FAR2: variants seen among roughly 807,000 people sequenced by gnomAD.
FAR2 encodes epididymis secretory protein Li 81.
FAR2 carries 19 observed loss-of-function variants against 56.0 expected under a neutral mutation model. That is an observed-to-expected ratio of 0.34 (90% CI 0.24 to 0.50). The LOEUF is 0.50. Among genes scored for constraint, FAR2 ranks in the 20% least tolerant of loss-of-function variants. The pLI is 0.98. For missense variants in FAR2, 508 were observed against 642.2 expected, an observed-to-expected ratio of 0.79 and a Z score of 2.26; for synonymous variants, 219 against 218.8, an observed-to-expected ratio of 1.00 and a Z score of -0.01.
intron 4 of FAR2, among the ~76,000 whole-genome samples, chr12:29,304,839 T>C (rs981118231): frequency 6.6e-6 from 1 of 152,220 alleles, no homozygotes; most frequent in Non-Finnish European, 1.5e-5. Context: ...AAACATCTTC[T>C]TGAGTATACT....
At chr12:29,289,827 C>A (rs1267049496) in intron 2 of FAR2, among the ~76,000 whole-genome samples, 1 of 152,064 alleles carries the variant, frequency 6.6e-6, no homozygotes, top group Non-Finnish European at 1.5e-5. Flanking sequence ...ACATAAGGAG[C>A]TCAAACAACT....
intron 10 of FAR2, among the ~76,000 whole-genome samples, chr12:29,323,179 A>G (rs1428847494): frequency 3.3e-5 from 5 of 152,238 alleles, no homozygotes; most frequent in Admixed American, 6.5e-5. Flanking sequence ...TCAAACTGCA[A>G]GGCAGCAGTG....
At chr12:29,283,048 A>C (rs940633557) in intron 2 of FAR2, among the ~76,000 whole-genome samples, 2 of 152,184 alleles carry the variant, frequency 1.3e-5, no homozygotes, top group Non-Finnish European at 2.9e-5. Flanking sequence ...CACCACAAAT[A>C]ATGTATAGAT....
intron 2 of FAR2, among the ~76,000 whole-genome samples, chr12:29,289,298 A>G (rs1284180691): frequency 6.6e-6 from 1 of 152,224 alleles, no homozygotes; most frequent in African/African-American, 2.4e-5. Context: ...AAATTATACT[A>G]CAAAGCTATG....
At chr12:29,162,819 G>A (rs975807699) in intron 1 of FAR2, among the ~76,000 whole-genome samples, 6 of 152,180 alleles carry the variant, frequency 3.9e-5, no homozygotes, top group African/African-American at 1.4e-4. Flanking sequence ...GGAAGACATG[G>A]AATAAGGAGA....
chr12:29,303,910 C>T (rs181856447), intron 4 of FAR2, among the ~76,000 whole-genome samples: 2 of 152,246 alleles, frequency 1.3e-5, no homozygotes, highest in Non-Finnish European at 2.9e-5. Flanking sequence ...AAATGGCAGG[C>T]CATTGGCAGG....
Position 29,219,567 on chromosome 12 carries a change from G to T in FAR2, c.-38-50845G>T, listed in dbSNP as rs537144277. On this transcript the variant is annotated intron_variant, in intron 1 of 11. Coordinates refer to ENST00000536681, the MANE Select transcript of FAR2 (RefSeq NM_001271783.2). ...GAGTACCTAGGGAATCTGCATCATG[G>T]ATATGAGAAAACCTTCTGATAATAA... Among the ~76,000 whole-genome samples, 8 of 152,010 alleles carry T rather than the reference G, an allele frequency of 5.3e-5. No individual in the cohort carries two copies. In the South Asian group the frequency reaches 1.0e-3, roughly 20 times the overall value.
chr12:29,311,373 C>T (rs190307128), intron 7 of FAR2, among the ~76,000 whole-genome samples: 1 of 152,200 alleles, frequency 6.6e-6, no homozygotes, highest in Non-Finnish European at 1.5e-5. Flanking sequence ...CTTTAAATCA[C>T]TTAACCATAA....
intron 1 of FAR2, among the ~76,000 whole-genome samples, chr12:29,228,152 A>C (rs919830650): frequency 3.9e-5 from 6 of 152,060 alleles, no homozygotes; most frequent in South Asian, 4.1e-4. Context: ...AAAAAAAAAA[A>C]AAGAAGTAGG....
intron 2 of FAR2, among the ~76,000 whole-genome samples, chr12:29,273,567 C>A (rs747619637): frequency 1.4e-4 from 21 of 152,212 alleles, no homozygotes; most frequent in Non-Finnish European, 2.6e-4. Flanking sequence ...CCTTCCCCTG[C>A]CCAGGGAGCT....
chr12:29,311,098 C>T lies in FAR2; in HGVS notation c.839C>T (p.Thr280Ile). 1.2e-6 allele frequency: 2 copies of T among 1,613,508 alleles called. No individual in the cohort carries two copies. Among genetic ancestry groups the T allele is most frequent in the Non-Finnish European group, 1.7e-6 (2 of 1,179,608 alleles). The change falls in exon 7 of 12, where the codon ACA (threonine) becomes ATA (isoleucine). Residue 280 changes from threonine to isoleucine, a missense_variant. Thr to Ile is a moderately conservative substitution (Grantham distance 89). Transcript: ENST00000536681. Reference protein sequence around the residue: ...MAVADVIPVDTVVNLMLAVGW... With the variant: ...MAVADVIPVDIVVNLMLAVGW... ...GTGGCAGACGTAATTCCAGTTGATACAGTCGTCAATCTCATGCTAGCTGTA... is the reference window on the plus strand; with the variant it reads ...GTGGCAGACGTAATTCCAGTTGATATAGTCGTCAATCTCATGCTAGCTGTA...
In FAR2 at chr12:29,333,834, T is replaced by C; in HGVS notation, c.*40T>C. On this transcript the variant is annotated 3_prime_UTR_variant, in exon 12 of 12. Transcript: ENST00000536681. ...CGCTTTTTATCTGGAACCTCTCAGATACCTCTAAAACAGCAAACTGTGATT... is the reference window on the plus strand; with the variant it reads ...CGCTTTTTATCTGGAACCTCTCAGACACCTCTAAAACAGCAAACTGTGATT... 1 of 1,590,652 alleles carries C rather than the reference T, an allele frequency of 6.3e-7. No homozygotes were observed. Among genetic ancestry groups the C allele is most frequent in the South Asian group, 1.1e-5 (1 of 89,142 alleles).
chr12:29,173,327 G>A (rs1242803903), intron 1 of FAR2, among the ~76,000 whole-genome samples: 1 of 152,124 alleles, frequency 6.6e-6, no homozygotes, highest in Non-Finnish European at 1.5e-5. Context: ...GGCCAGGGGA[G>A]ATTAGAGGAG....
At chr12:29,223,987 G>T (rs1947728899) in intron 1 of FAR2, 1 of 152,122 alleles carries the variant, frequency 6.6e-6, no homozygotes, top group Admixed American at 6.5e-5. Context: ...GTGAGAGACT[G>T]GTCTTTTTAC....
intron 1 of FAR2, among the ~76,000 whole-genome samples, chr12:29,269,959 T>C (rs977923976): frequency 1.3e-5 from 2 of 152,180 alleles, no homozygotes; most frequent in African/African-American, 2.4e-5. Context: ...CACTGCACCT[T>C]TGCCCTTGCT....
intron 1 of FAR2, among the ~76,000 whole-genome samples, chr12:29,175,199 GC>G (rs1949925495): frequency 6.6e-6 from 1 of 152,334 alleles, no homozygotes; most frequent in Admixed American, 6.5e-5. Flanking sequence ...ATAGCTGATT[GC>G]CCCATCTGGG....
chr12:29,277,885 A>G (rs1948725353), intron 2 of FAR2: 1 of 150,924 alleles, frequency 6.6e-6, no homozygotes, highest in Non-Finnish European at 1.5e-5. Context: ...TTTTGGTGCT[A>G]TAGTAATTGT....
intron 1 of FAR2, among the ~76,000 whole-genome samples, chr12:29,232,744 C>G (rs780119849): frequency 1.1e-4 from 17 of 151,896 alleles, no homozygotes; most frequent in East Asian, 7.8e-4. Flanking sequence ...GAGTCCCTAT[C>G]TTCCTCTTCA....
intron 1 of FAR2, among the ~76,000 whole-genome samples, chr12:29,161,431 A>G (rs2136578041): frequency 6.6e-6 from 1 of 152,260 alleles, no homozygotes; most frequent in East Asian, 1.9e-4. Flanking sequence ...TGGCTTATTT[A>G]CTCAATATTA....
Sources: gnomAD v4.1 joint callset for allele counts (sites outside exome capture counted in the v4.1 genomes callset) on GRCh38, gnomAD v4.1.1 for gene constraint, MANE v1.5 for transcripts, NCBI Gene and HGNC (gene_info 2026-07-23, HGNC 2026-07-21) for gene names.